Variants in STRIP1 observed in about 807,000 individuals in gnomAD.
STRIP1 encodes striatin interacting protein 1.
In STRIP1, 63 loss-of-function variants were observed where a neutral mutation model predicts 106.2. That is an observed-to-expected ratio of 0.59 (90% CI 0.48 to 0.73). STRIP1 has a LOEUF of 0.73. Among genes scored for constraint, STRIP1 ranks in the 30% least tolerant of loss-of-function variants. The pLI is 0.00. For synonymous variants in STRIP1, 390 were observed against 413.0 expected (o/e 0.94, Z 0.67); for missense variants, 857 against 1,074.8 (o/e 0.80, Z 2.83).
chr1:110,039,566 G>T (rs757268597), intron 5 of STRIP1, 51 bp downstream of exon 5: 15 of 1,560,570 alleles, frequency 9.6e-6, no homozygotes, highest in Non-Finnish European at 1.2e-5. Flanking sequence ...GGATGGGAAG[G>T]GGGACAGAGC....
intron 17 of STRIP1, 155 bp from the exon 18 acceptor site, chr1:110,050,188 T>C (rs1000933477): frequency 2.6e-5 from 17 of 653,616 alleles, no homozygotes; most frequent in Non-Finnish European, 4.4e-5. Flanking sequence ...CCTCATCTTA[T>C]AGGTGGGGAA....
intron 1 of STRIP1, 150 bp downstream of exon 1, chr1:110,034,967 A>G (rs1480380360): frequency 2.5e-6 from 2 of 794,798 alleles, no homozygotes; most frequent in Non-Finnish European, 1.8e-6. Context: ...AGGAGCAGGA[A>G]GCGAGGCTGG....
chr1:110,035,853 A>G (rs1652428405), intron 1 of STRIP1, among the ~76,000 whole-genome samples: 1 of 152,232 alleles, frequency 6.6e-6, no homozygotes, highest in South Asian at 2.1e-4. Context: ...TAGCAAGGCT[A>G]AACCCCTGAG....
chr1:110,049,817 C>T, intron 17 of STRIP1: 1 of 445,442 alleles, frequency 2.2e-6, no homozygotes, highest in Non-Finnish European at 4.0e-6. Flanking sequence ...TAGTACTTTC[C>T]TCCCTGTCCC....
At chr1:110,051,568 G>A in intron 19 of STRIP1, 115 bp from the exon 20 acceptor site, 1 of 1,035,710 alleles carries the variant, frequency 9.7e-7, no homozygotes, top group Non-Finnish European at 1.4e-6. Context: ...AAGGGAAACT[G>A]GGATGGTTTG....
intron 15 of STRIP1, 73 bp from the exon 16 acceptor site, chr1:110,049,039 C>T: frequency 6.3e-7 from 1 of 1,591,296 alleles, no homozygotes; most frequent in Admixed American, 1.7e-5. Flanking sequence ...CTCCGGAGTC[C>T]ATCTTTTCTG....
intron 1 of STRIP1, among the ~76,000 whole-genome samples, chr1:110,035,127 C>T (rs1459995922): frequency 1.3e-5 from 2 of 152,306 alleles, no homozygotes; most frequent in African/African-American, 2.4e-5. Flanking sequence ...GCTCTCGCCC[C>T]AGCTCGGGGG....
At position 110,038,729 on chromosome 1, in the gene STRIP1, A is replaced by G. The variant is rs1173835595; in HGVS notation, c.297A>G (p.Lys99=). 3.7e-6 allele frequency: 6 copies of G among 1,614,072 alleles called. No individual in the cohort carries two copies. Among genetic ancestry groups the G allele is most frequent in the Non-Finnish European group, 5.1e-6 (6 of 1,180,024 alleles). ...TEGPEFLMNR[K]CFEEDFRIHV... ...GGCCAGAATTCCTGATGAATCGAAA[A>G]TGCTTTGAGGAGGACTTCCGGATCC... Residue 99 remains lysine (K), a synonymous_variant, in exon 3 of 21, where the codon AAA becomes AAG. Transcript: ENST00000369795.
chr1:110,040,726 GCTC>G, intron 6 of STRIP1, 23 bp downstream of exon 6: 1 of 1,597,266 alleles, frequency 6.3e-7, no homozygotes, highest in Non-Finnish European at 8.5e-7. Context: ...GCAAGCCTGG[GCTC>G]CTGAGCGTTA....
At chr1:110,035,735 A>G (rs900156105) in intron 1 of STRIP1, among the ~76,000 whole-genome samples, 1 of 152,194 alleles carries the variant, frequency 6.6e-6, no homozygotes, top group Non-Finnish European at 1.5e-5. Context: ...CAAGTTAATG[A>G]GAGGGAATTC....
chr1:110,047,319 A>G (rs1653075771), intron 13 of STRIP1, among the ~76,000 whole-genome samples: 1 of 152,256 alleles, frequency 6.6e-6, no homozygotes, highest in African/African-American at 2.4e-5. Flanking sequence ...TGTCTGTGAA[A>G]TAGGAATAAT....
At chr1:110,053,061 G>A (rs1333521447) in intron 20 of STRIP1, among the ~76,000 whole-genome samples, 1 of 152,134 alleles carries the variant, frequency 6.6e-6, no homozygotes, top group Non-Finnish European at 1.5e-5. Context: ...TGTCAGTCCA[G>A]CCTCCATCAT....
At position 110,052,408 on chromosome 1, in the gene STRIP1, C is replaced by T. The variant is rs367672376; in HGVS notation, c.2266+521C>T. ...TCCTGAGTAGCTGGAACCACAGGCA[C>T]ATGCCACTGTGCCCACCTAATTGTA... On this transcript the variant is annotated intron_variant, in intron 20 of 20. Transcript: ENST00000369795. Among the ~76,000 whole-genome samples the T allele has an allele frequency of 4.5e-4, 68 of 152,306 alleles. 1 individual carries two copies. In the South Asian group the frequency reaches 0.014, roughly 32 times the overall value.
upstream of STRIP1, among the ~76,000 whole-genome samples, chr1:110,032,557 G>A (rs939373785): frequency 1.3e-5 from 2 of 152,136 alleles, no homozygotes; most frequent in African/African-American, 4.8e-5. Flanking sequence ...CAAACTTGAT[G>A]TGTCCAAAAC....
intron 20 of STRIP1, among the ~76,000 whole-genome samples, chr1:110,052,672 G>T (rs1009012096): frequency 6.6e-6 from 1 of 152,044 alleles, no homozygotes; most frequent in Non-Finnish European, 1.5e-5. Context: ...GTTTCACTGT[G>T]TTAGCCAGGC....
rs1435456656 is a variant in STRIP1, at chr1:110,043,625, T to G, written c.1069-14T>G. 1.2e-6 allele frequency: 2 copies of G among 1,611,056 alleles called. No homozygotes were observed. Among genetic ancestry groups the G allele is most frequent in the South Asian group, 2.2e-5 (2 of 90,452 alleles). On this transcript the variant is annotated splice_polypyrimidine_tract_variant and intron_variant, in intron 9 of 20. Coordinates refer to ENST00000369795, the MANE Select transcript of STRIP1 (RefSeq NM_033088.4). ...TCAGTTGGCTCTTGTCTCATCTCCC[T>G]TCCCTGGTTTCAGGCTCTGATAAAG... is the stretch of plus-strand genomic sequence containing the variant.
chr1:110,053,933 A>G lies in STRIP1; in HGVS notation c.*21A>G. 6.2e-7 allele frequency: 1 copy of G among 1,612,874 alleles called. No homozygotes were observed. Among genetic ancestry groups the G allele is most frequent in the Non-Finnish European group, 8.5e-7 (1 of 1,179,318 alleles). Reference sequence around the variant, plus strand: ...AGTGAGGCTGTTGGTTAGGGGACTGAAATGGAGAGAAAAGATGATCTGAAG... The same window carrying G: ...AGTGAGGCTGTTGGTTAGGGGACTGGAATGGAGAGAAAAGATGATCTGAAG... On this transcript the variant is annotated 3_prime_UTR_variant, in exon 21 of 21. Transcript: ENST00000369795.
At chr1:110,032,685 T>C (rs1202884130), upstream of STRIP1, among the ~76,000 whole-genome samples, 1 of 152,158 alleles carries the variant, frequency 6.6e-6, no homozygotes, top group Non-Finnish European at 1.5e-5. Context: ...TCATTGTTTA[T>C]TTCCCCTACC....
intron 13 of STRIP1, 136 bp downstream of exon 13, chr1:110,046,887 T>TA (rs796963444): frequency 0.04 from 17,170 of 432,478 alleles, 23 homozygotes; most frequent in South Asian, 0.047. Context: ...CCGTCTCTAC[T>TA]AAAAAAAAAA....
Sources: allele counts gnomAD v4.1 joint callset (sites outside exome capture counted in the v4.1 genomes callset), GRCh38; gene constraint gnomAD v4.1.1; transcripts MANE v1.5; gene names NCBI Gene and HGNC (gene_info 2026-07-23, HGNC 2026-07-21).